Variants in OXCT1 observed in about 807,000 individuals in gnomAD.
OXCT1 encodes the protein succinyl-CoA:3-ketoacid coenzyme A transferase 1, mitochondrial.
OXCT1 carries 27 observed loss-of-function variants against 69.6 expected under a neutral mutation model. The ratio of observed to expected loss-of-function variants is 0.39; its 90% confidence interval spans 0.29 to 0.54. The LOEUF (loss-of-function observed/expected upper bound fraction) is 0.54. Among genes scored for constraint, OXCT1 ranks in the 20% least tolerant of loss-of-function variants. The probability of loss-of-function intolerance (pLI) is 0.72; values close to 1 mark genes in which losing one functional copy is unlikely to be tolerated. For synonymous variants in OXCT1, 202 were observed against 217.8 expected (o/e 0.93, Z 0.64); for missense variants, 437 against 650.2 (o/e 0.67, Z 3.57).
chr5:41,840,059 C>A (rs1004198364), intron 7 of OXCT1, among the ~76,000 whole-genome samples: 3 of 152,218 alleles, frequency 2.0e-5, no homozygotes, highest in Admixed American at 2.0e-4. Context: ...CAATGCTCTT[C>A]CCTTAAAGAA....
intron 3 of OXCT1, among the ~76,000 whole-genome samples, chr5:41,856,922 A>G (rs1186385620): frequency 6.6e-6 from 1 of 152,072 alleles, no homozygotes; most frequent in Non-Finnish European, 1.5e-5. Context: ...TGAGTTTTTA[A>G]CCTACTCCTA....
At chr5:41,742,564 G>A (rs1313644825) in intron 15 of OXCT1, among the ~76,000 whole-genome samples, 3 of 152,206 alleles carry the variant, frequency 2.0e-5, no homozygotes, top group Non-Finnish European at 4.4e-5. Flanking sequence ...CATGTGCCAT[G>A]TTGGTGTGCT....
At chr5:41,778,466 G>A (rs1046123026) in intron 13 of OXCT1, among the ~76,000 whole-genome samples, 9 of 152,174 alleles carry the variant, frequency 5.9e-5, no homozygotes, top group South Asian at 2.1e-4. Flanking sequence ...GATGGAAAAC[G>A]CATGTTCACT....
At chr5:41,755,939 A>C (rs1173172534) in intron 14 of OXCT1, among the ~76,000 whole-genome samples, 37 of 152,132 alleles carry the variant, frequency 2.4e-4, no homozygotes, top group Non-Finnish European at 2.9e-5. Context: ...TCTGATGGGC[A>C]GATGAGTATA....
chr5:41,743,829 A>G (rs1743323986), intron 15 of OXCT1, among the ~76,000 whole-genome samples: 1 of 152,044 alleles, frequency 6.6e-6, no homozygotes, highest in African/African-American at 2.4e-5. Flanking sequence ...GTTCTGTTCC[A>G]TTGGTCTATA....
intron 7 of OXCT1, among the ~76,000 whole-genome samples, chr5:41,809,111 C>A (rs1746837063): frequency 6.6e-6 from 1 of 151,838 alleles, no homozygotes; most frequent in Admixed American, 6.6e-5. Flanking sequence ...TCATAAAATG[C>A]AAGATTTTGT....
At chr5:41,758,681 T>C (rs1463790465) in intron 14 of OXCT1, among the ~76,000 whole-genome samples, 1 of 152,158 alleles carries the variant, frequency 6.6e-6, no homozygotes, top group African/African-American at 2.4e-5. Context: ...TATCTATGGA[T>C]ACAAGTGGTG....
chr5:41,747,573 A>G (rs555638789), intron 15 of OXCT1, among the ~76,000 whole-genome samples: 1 of 152,176 alleles, frequency 6.6e-6, no homozygotes, highest in South Asian at 2.1e-4. Flanking sequence ...GGGGAGGGAT[A>G]GGGAAGACTT....
At chr5:41,799,986 A>C (rs971555982) in intron 11 of OXCT1, among the ~76,000 whole-genome samples, 7 of 152,208 alleles carry the variant, frequency 4.6e-5, no homozygotes. Context: ...GAATGAATAA[A>C]AGGATACAGA....
intron 3 of OXCT1, among the ~76,000 whole-genome samples, chr5:41,856,333 G>A (rs1749427457): frequency 6.6e-6 from 1 of 152,178 alleles, no homozygotes. Flanking sequence ...TCTGGCTTTG[G>A]TGATGGAATA....
chr5:41,744,963 C>T (rs1020081556), intron 15 of OXCT1, among the ~76,000 whole-genome samples: 2 of 152,008 alleles, frequency 1.3e-5, no homozygotes, highest in African/African-American at 4.8e-5. Flanking sequence ...AATAATGGGA[C>T]ATTCCACTGT....
At chr5:41,859,660 G>A (rs1749625138) in intron 3 of OXCT1, among the ~76,000 whole-genome samples, 2 of 151,836 alleles carry the variant, frequency 1.3e-5, no homozygotes, top group African/African-American at 4.8e-5. Flanking sequence ...CTAAATCCTA[G>A]GGAATGTCCA....
intron 7 of OXCT1, among the ~76,000 whole-genome samples, chr5:41,821,014 T>A (rs1463915662): frequency 6.6e-6 from 1 of 152,192 alleles, no homozygotes; most frequent in Non-Finnish European, 1.5e-5. Flanking sequence ...CTCAACTAGA[T>A]TGTAAGATGA....
intron 13 of OXCT1, among the ~76,000 whole-genome samples, chr5:41,766,295 C>G (rs1487552358): frequency 6.6e-6 from 1 of 152,000 alleles, no homozygotes; most frequent in Non-Finnish European, 1.5e-5. Flanking sequence ...GTTATACAAC[C>G]TTTCTAAAGA....
intron 7 of OXCT1, among the ~76,000 whole-genome samples, chr5:41,817,636 C>T (rs1747315923): frequency 6.6e-6 from 1 of 152,200 alleles, no homozygotes; most frequent in Admixed American, 6.5e-5. Context: ...TATATCCATC[C>T]TTTCCTGACC....
chr5:41,758,851 C>A (rs1338900957), intron 14 of OXCT1, among the ~76,000 whole-genome samples: 3 of 152,012 alleles, frequency 2.0e-5, no homozygotes, highest in Non-Finnish European at 2.9e-5. Flanking sequence ...CATAAATACT[C>A]AAATCCCACT....
chr5:41,789,082 A>G (rs1054334506), intron 13 of OXCT1, among the ~76,000 whole-genome samples: 1 of 152,222 alleles, frequency 6.6e-6, no homozygotes, highest in Non-Finnish European at 1.5e-5. Context: ...ACAACATAAA[A>G]ATTTGTAGGA....
intron 7 of OXCT1, among the ~76,000 whole-genome samples, chr5:41,828,998 T>A (rs1436164751): frequency 6.6e-6 from 1 of 152,156 alleles, no homozygotes. Context: ...AAGTAATAAC[T>A]GTGAACCAAT....
chr5:41,795,766 ATAAT>A (rs772215798), intron 11 of OXCT1, among the ~76,000 whole-genome samples: 58 of 152,324 alleles, frequency 3.8e-4, no homozygotes, highest in African/African-American at 1.0e-3. Context: ...GATGGATGTG[ATAAT>A]TAATGATTGT....
Sources: gnomAD v4.1 joint callset for allele counts (sites outside exome capture counted in the v4.1 genomes callset) on GRCh38, gnomAD v4.1.1 for gene constraint, MANE v1.5 for transcripts, NCBI Gene and HGNC (gene_info 2026-07-23, HGNC 2026-07-21) for gene names.